NPRL3: variants seen among roughly 807,000 people sequenced by gnomAD.
NPRL3 encodes the protein NPR3 like, GATOR1 complex subunit, also known as GATOR1 complex protein NPRL3.
A neutral mutation model predicts 57.2 loss-of-function variants in NPRL3; 23 were observed. The ratio of observed to expected loss-of-function variants is 0.40; its 90% CI spans 0.29 to 0.57. The LOEUF is 0.57. Among genes scored for constraint, NPRL3 ranks in the 20% least tolerant of loss-of-function variants. The pLI is 0.42. For synonymous variants in NPRL3, 333 were observed against 321.1 expected, an observed-to-expected ratio of 1.04 and a Z score of -0.39; for missense variants, 691 against 767.1, an observed-to-expected ratio of 0.90 and a Z score of 1.17.
chr16:85,893 G>T lies in NPRL3; in HGVS notation c.*812C>A, dbSNP rs1898445133. 1 of 1,208,446 alleles carries T rather than the reference G, an allele frequency of 8.3e-7. No individual in the cohort carries two copies. 74.9% of individuals were successfully genotyped at this position (1,208,446 alleles called of 1,614,324 possible). A position where few individuals can be genotyped will look rare whatever the true frequency, so the allele number is the denominator to read the frequency against. ...TCTAGGTGATCAACCCATGTCTGGA[G>T]CTAGCTCTTCCTCCAGGACACGAGA... On this transcript the variant is annotated 3_prime_UTR_variant, in exon 14 of 14. Transcript: ENST00000611875.
rs1487255542 is a variant in NPRL3 at position 85,619 on chromosome 16, G to C, written c.*1086C>G. 2.5e-6 allele frequency: 4 copies of C among 1,603,678 alleles called. No homozygotes were observed. Among genetic ancestry groups the C allele is most frequent in the Non-Finnish European group, 3.4e-6 (4 of 1,172,576 alleles). ...GGATGAAGCTGTATGGCTGGAGCGT[G>C]GTCCCCTGGAGCCCAGTGAGCCGGC... On this transcript the variant is annotated 3_prime_UTR_variant, in exon 14 of 14. Transcript: ENST00000611875.
At chr16:101,818 C>A (rs569017531) in intron 7 of NPRL3, among the ~76,000 whole-genome samples, 2 of 152,208 alleles carry the variant, frequency 1.3e-5, no homozygotes, top group South Asian at 2.1e-4. Context: ...TCTGCAGACG[C>A]CCCAAGGCTC....
intron 7 of NPRL3, among the ~76,000 whole-genome samples, chr16:100,994 A>AAAAAAG (rs1899276041): frequency 2.1e-5 from 3 of 145,884 alleles, no homozygotes; most frequent in African/African-American, 7.5e-5. Flanking sequence ...AAAAAAAGGA[A>AAAAAAG]GAAGAAGAAG....
chr16:130,706 G>T, intron 2 of NPRL3, 115 bp from the exon 3 acceptor site: 1 of 917,724 alleles, frequency 1.1e-6, no homozygotes, highest in Non-Finnish European at 1.7e-6. Context: ...TCCATACCAT[G>T]GAATATTACT....
intron 7 of NPRL3, among the ~76,000 whole-genome samples, chr16:100,774 C>T (rs1198235785): frequency 8.0e-4 from 20 of 24,936 alleles, no homozygotes; most frequent in Admixed American, 7.2e-3. Context: ...TCGAGACCAG[C>T]CTGGCTAATA....
At chr16:119,798 T>G (rs964079322) in intron 3 of NPRL3, among the ~76,000 whole-genome samples, 2 of 152,236 alleles carry the variant, frequency 1.3e-5, no homozygotes, top group Non-Finnish European at 2.9e-5. Flanking sequence ...ATCCGTTCCC[T>G]TATCCCAAAC....
At position 86,008 on chromosome 16, in the gene NPRL3, C is replaced by T. The variant is rs796595131; in HGVS notation, c.*697G>A. On this transcript the variant is annotated 3_prime_UTR_variant, in exon 14 of 14. Transcript: ENST00000611875. ...AGCCGAAAGCCCCCGAGGGTGGGGT[C>T]CTGCACAGTGGGCCATGCCTCCACC... is the stretch of plus-strand genomic sequence containing the variant. The T allele has an allele frequency of 2.0e-5, 9 of 446,628 alleles. 1 individual carries two copies. The highest frequency in any genetic ancestry group is 1.4e-4 in the East Asian group (4 of 27,748). 27.7% of individuals were successfully genotyped at this position (446,628 alleles called of 1,614,324 possible).
intron 3 of NPRL3, 114 bp from the exon 4 acceptor site, chr16:119,369 C>T: frequency 2.0e-6 from 2 of 1,003,472 alleles, no homozygotes; most frequent in Non-Finnish European, 2.9e-6. Flanking sequence ...TGGAGTTGCT[C>T]TGCCCCGACT....
At chr16:131,049 C>G (rs1307350237) in intron 2 of NPRL3, among the ~76,000 whole-genome samples, 1 of 152,240 alleles carries the variant, frequency 6.6e-6, no homozygotes, top group Non-Finnish European at 1.5e-5. Context: ...TCTTCAAAAA[C>G]AGTGATAAGG....
intron 7 of NPRL3, 102 bp downstream of exon 7, chr16:110,423 C>A: frequency 1.2e-6 from 1 of 845,186 alleles, no homozygotes; most frequent in Non-Finnish European, 1.9e-6. Context: ...CCCAGGAGAA[C>A]AGTGGTCAGT....
intron 7 of NPRL3, among the ~76,000 whole-genome samples, chr16:103,836 C>T (rs1289932285): frequency 2.0e-5 from 3 of 152,144 alleles, no homozygotes; most frequent in Non-Finnish European, 4.4e-5. Flanking sequence ...AATATTAGGC[C>T]GGGTGCCGTG....
chr16:134,834 T>C (rs1364125905), intron 2 of NPRL3, among the ~76,000 whole-genome samples: 1 of 150,710 alleles, frequency 6.6e-6, no homozygotes, highest in Non-Finnish European at 1.5e-5. Context: ...CCCGAGTAGC[T>C]GGGACTACAG....
chr16:85,730 T>C lies in NPRL3; in HGVS notation c.*975A>G, dbSNP rs1250895338. 1 of 1,521,818 alleles carries C rather than the reference T, an allele frequency of 6.6e-7. No individual in the cohort carries two copies. Among genetic ancestry groups the C allele is most frequent in the Admixed American group, 2.1e-5 (1 of 47,240 alleles). 94.3% of individuals were successfully genotyped at this position (1,521,818 alleles called of 1,614,324 possible). On this transcript the variant is annotated 3_prime_UTR_variant, in exon 14 of 14. Transcript: ENST00000611875. ...CCGCTTCTATGTCCGGGGCAGCCCC[T>C]GGGTCAGTGTGGTCGACAGAGTGGC... is the stretch of plus-strand genomic sequence containing the variant.
At chr16:129,445 C>A (rs189007060) in intron 3 of NPRL3, among the ~76,000 whole-genome samples, 1 of 152,180 alleles carries the variant, frequency 6.6e-6, no homozygotes, top group African/African-American at 2.4e-5. Context: ...CCAAAGCCCA[C>A]TCCACTCAGA....
chr16:94,424 C>A (rs1342294942), intron 9 of NPRL3, among the ~76,000 whole-genome samples: 1 of 152,236 alleles, frequency 6.6e-6, no homozygotes, highest in Non-Finnish European at 1.5e-5. Flanking sequence ...TGCTGCCCTG[C>A]TGCTGAGGAC....
chr16:115,472 C>A (rs115237592), intron 5 of NPRL3, among the ~76,000 whole-genome samples: 1,759 of 146,292 alleles, frequency 0.012, 48 homozygotes, highest in African/African-American at 0.042. Context: ...AAGTCCTAGA[C>A]TATCTTGTTT....
In NPRL3 at chr16:138,338, AGGAGGACGGAGCCGGAGGCGGAGGGGGCC is replaced by A; in HGVS notation, c.-67-33_-67-5del. The A allele has an allele frequency of 9.0e-7, 1 of 1,111,110 alleles. No homozygotes were observed. The highest frequency in any genetic ancestry group is 1.3e-6 in the Non-Finnish European group (1 of 791,432). 68.8% of individuals were successfully genotyped at this position (1,111,110 alleles called of 1,614,324 possible). A position where few individuals can be genotyped will look rare whatever the true frequency, so the allele number is the denominator to read the frequency against. On this transcript the variant is annotated splice_polypyrimidine_tract_variant and splice_region_variant and intron_variant, in intron 1 of 13. Coordinates refer to ENST00000611875, the MANE Select transcript of NPRL3 (RefSeq NM_001077350.3). The stretch of plus-strand genomic sequence containing the variant: ...CGGAGCCGGAGGCGGAGGGGGCCTG[AGGAGGACGGAGCCGGAGGCGGAGGGGGCC>A]TGAGGAGGACGAGGCGGGGACGCAG...
Position 101,809 on chromosome 16 carries a change from C to G in NPRL3, c.630-1300G>C, listed in dbSNP as rs557655725. ...GCATTTGCCCTTGCCCACAAACTCTCTGCAGACGCCCCAAGGCTCCTTTAC... is the reference window on the plus strand; with the variant it reads ...GCATTTGCCCTTGCCCACAAACTCTGTGCAGACGCCCCAAGGCTCCTTTAC... On this transcript the variant is annotated intron_variant, in intron 7 of 13. Coordinates refer to ENST00000611875, the MANE Select transcript of NPRL3 (RefSeq NM_001077350.3). Among the ~76,000 whole-genome samples, 6 of 152,356 alleles carry G rather than the reference C, an allele frequency of 3.9e-5. No homozygotes were observed. The East Asian group carries it at 9.6e-4, about 24-fold the overall frequency.
chr16:89,564 G>T, intron 12 of NPRL3, 149 bp downstream of exon 12: 1 of 684,828 alleles, frequency 1.5e-6, no homozygotes. Context: ...CAGGAGAGGT[G>T]TCTCCACGGG....
Sources: allele counts gnomAD v4.1 joint callset (sites outside exome capture counted in the v4.1 genomes callset), GRCh38; gene constraint gnomAD v4.1.1; transcripts MANE v1.5; gene names NCBI Gene and HGNC (gene_info 2026-07-23, HGNC 2026-07-21).